Variants in NOL4L observed in about 807,000 individuals in gnomAD.
NOL4L encodes nucleolar protein 4-like.
NOL4L carries 7 observed loss-of-function variants against 64.5 expected under a neutral mutation model. That is an observed-to-expected ratio of 0.11 (90% CI 0.06 to 0.20). The LOEUF (loss-of-function observed/expected upper bound fraction) is 0.20. Among genes scored for constraint, NOL4L ranks in the 10% least tolerant of loss-of-function variants. The pLI is 1.00. For missense variants in NOL4L, 680 were observed against 967.1 expected, an observed-to-expected ratio of 0.70 and a Z score of 3.94; for synonymous variants, 413 against 401.0, an observed-to-expected ratio of 1.03 and a Z score of -0.36.
At chr20:32,535,513 G>A (rs1043597667) in intron 1 of NOL4L, 1 of 891,778 alleles carries the variant, frequency 1.1e-6, no homozygotes, top group Non-Finnish European at 1.3e-6. Context: ...CCACCGAGTC[G>A]CACCTGCCAT....
At chr20:32,514,706 A>C (rs927494249) in intron 3 of NOL4L, among the ~76,000 whole-genome samples, 1 of 152,046 alleles carries the variant, frequency 6.6e-6, no homozygotes, top group Non-Finnish European at 1.5e-5. Flanking sequence ...CTAGCCCCAT[A>C]CATTGACCGG....
rs2014286866 is a variant in NOL4L at position 32,463,613 on chromosome 20, T to A, written c.842-7218A>T. 6.6e-6 allele frequency among the ~76,000 whole-genome samples: 1 copy of A among 152,204 alleles called. No individual in the cohort carries two copies. The highest frequency in any genetic ancestry group is 1.5e-5 in the Non-Finnish European group (1 of 68,030). On this transcript the variant is annotated intron_variant, in intron 5 of 10. Transcript: ENST00000621426. The surrounding 1 kb of genome is among the most constrained non-coding windows in gnomAD (Gnocchi z 5.8). ...GTCCGTCTATTTGAACATGGGGCAA[T>A]GTGCTGCTATTCAAATGGAGGAATT...
chr20:32,584,536 G>A, intron 1 of NOL4L, 34 bp downstream of exon 1: 1 of 1,111,522 alleles, frequency 9.0e-7, no homozygotes, highest in Non-Finnish European at 1.1e-6. Context: ...GCCCCGCGGC[G>A]GGACCCGCCC....
In NOL4L at chr20:32,584,851, G is replaced by T. The variant is rs1980786902; in HGVS notation, c.40C>A (p.Arg14Ser). The change falls in exon 1 of 11, where the codon CGC becomes AGC. Residue 14 changes from arginine to serine, a missense_variant. Arg to Ser is a moderately radical substitution (Grantham distance 110, BLOSUM62 -1). Transcript: ENST00000621426. ...PTLLLRGGWE[R>S]ERSPGDSELG... ...TCCGAGTCCCCGGGGCTGCGCTCGCGCTCCCAGCCCCCGCGCAGCAGCAGC... is the reference window on the plus strand; with the variant it reads ...TCCGAGTCCCCGGGGCTGCGCTCGCTCTCCCAGCCCCCGCGCAGCAGCAGC... 6.9e-7 allele frequency: 1 copy of T among 1,440,694 alleles called. No individual in the cohort carries two copies. Among genetic ancestry groups the T allele is most frequent in the Non-Finnish European group, 9.2e-7 (1 of 1,089,446 alleles). The allele number at this position is 1,440,694 out of a possible 1,614,324, so 89.2% of individuals were successfully genotyped here. A position where few individuals can be genotyped will look rare whatever the true frequency, so the allele number is the denominator to read the frequency against.
chr20:32,501,974 T>C (rs1471830746), intron 4 of NOL4L, among the ~76,000 whole-genome samples: 1 of 152,176 alleles, frequency 6.6e-6, no homozygotes, highest in Non-Finnish European at 1.5e-5. Context: ...CACACAGTCA[T>C]AATAATATAA....
At chr20:32,551,826 T>C (rs997767941) in intron 1 of NOL4L, among the ~76,000 whole-genome samples, 2 of 152,186 alleles carry the variant, frequency 1.3e-5, no homozygotes, top group African/African-American at 4.8e-5. Context: ...TCTCACTCTG[T>C]TTCCCAGGCT....
intron 4 of NOL4L, among the ~76,000 whole-genome samples, chr20:32,485,058 CAAAAAA>C (rs57444583): frequency 0.011 from 201 of 17,806 alleles, 1 homozygote; most frequent in Middle Eastern, 0.031. Flanking sequence ...GGGAAATTGC[CAAAAAA>C]AAAAAAAAAA....
At chr20:32,567,867 C>A (rs1979521662) in intron 1 of NOL4L, among the ~76,000 whole-genome samples, 1 of 151,880 alleles carries the variant, frequency 6.6e-6, no homozygotes, top group Non-Finnish European at 1.5e-5. Context: ...CATCACACCA[C>A]CATTGTCATC....
intron 1 of NOL4L, among the ~76,000 whole-genome samples, chr20:32,573,390 T>C (rs1363958348): frequency 6.6e-6 from 1 of 151,808 alleles, no homozygotes; most frequent in Middle Eastern, 3.2e-3. Flanking sequence ...ATTCAGCTCA[T>C]GAGTCACAGA....
At chr20:32,508,630 C>T (rs2017238907) in intron 4 of NOL4L, among the ~76,000 whole-genome samples, 2 of 151,978 alleles carry the variant, frequency 1.3e-5, no homozygotes, top group South Asian at 2.1e-4. Context: ...GAGGCCCCCA[C>T]CTGGAAACTA....
chr20:32,527,602 T>G (rs1251834371), intron 2 of NOL4L, among the ~76,000 whole-genome samples, 156 bp downstream of exon 2: 1 of 152,130 alleles, frequency 6.6e-6, no homozygotes, highest in Non-Finnish European at 1.5e-5. Flanking sequence ...CATCTCTGGC[T>G]GCCGTGCCCT....
chr20:32,520,951 T>C, intron 2 of NOL4L, 29 bp from the exon 3 acceptor site: 1 of 1,494,216 alleles, frequency 6.7e-7, no homozygotes, highest in Non-Finnish European at 9.1e-7. Flanking sequence ...TCGCTTGTTA[T>C]ATGGATCTGT....
At chr20:32,465,288 C>A (rs910461843) in intron 5 of NOL4L, among the ~76,000 whole-genome samples, 2 of 152,132 alleles carry the variant, frequency 1.3e-5, no homozygotes, top group African/African-American at 2.4e-5. Context: ...ACCCATCACC[C>A]GGGATGAGTG....
chr20:32,458,952 A>G (rs557796550), intron 5 of NOL4L, among the ~76,000 whole-genome samples: 1 of 152,334 alleles, frequency 6.6e-6, no homozygotes, highest in East Asian at 1.9e-4. Flanking sequence ...ACCAGGTCAG[A>G]TGCCCGGCAC....
chr20:32,492,414 CA>C (rs1372431551), intron 4 of NOL4L, among the ~76,000 whole-genome samples: 2 of 152,212 alleles, frequency 1.3e-5, no homozygotes, highest in Non-Finnish European at 2.9e-5. Flanking sequence ...CACCCTGGCC[CA>C]GGGGCAGTGA....
At chr20:32,577,916 G>A (rs1440357119) in intron 1 of NOL4L, among the ~76,000 whole-genome samples, 3 of 151,980 alleles carry the variant, frequency 2.0e-5, no homozygotes, top group Non-Finnish European at 4.4e-5. Context: ...TTGAGGCTCA[G>A]TGAGATCACA....
rs954877153 is a variant in NOL4L, at chr20:32,482,166, G to C, written c.700-7424C>G. 5.9e-5 allele frequency among the ~76,000 whole-genome samples: 9 copies of C among 152,016 alleles called. No individual in the cohort carries two copies. In the East Asian group the frequency reaches 7.8e-4, roughly 13 times the overall value. ...AAGGAAAATCAATGTTTTAGAGGGG[G>C]AAAAAAGGTTCCATTTGAATTAATG... On this transcript the variant is annotated intron_variant, in intron 4 of 10. Transcript: ENST00000621426.
At chr20:32,582,723 C>A (rs1190654857) in intron 1 of NOL4L, among the ~76,000 whole-genome samples, 2 of 152,184 alleles carry the variant, frequency 1.3e-5, no homozygotes. Context: ...CCCGGGAAGC[C>A]CTGATGGCAG....
chr20:32,454,678 C>T (rs1568598184), intron 6 of NOL4L, among the ~76,000 whole-genome samples: 1 of 152,250 alleles, frequency 6.6e-6, no homozygotes, highest in Admixed American at 6.5e-5. Context: ...TTTGTGCCTT[C>T]GATGTGTCCT....
Sources: gnomAD v4.1 joint callset for allele counts (sites outside exome capture counted in the v4.1 genomes callset) on GRCh38, gnomAD v4.1.1 for gene constraint, Gnocchi (gnomAD v3.1) non-coding constraint, MANE v1.5 for transcripts, NCBI Gene and HGNC (gene_info 2026-07-23, HGNC 2026-07-21) for gene names.